The following KAZN variants were observed in gnomAD, a reference collection of about 807,000 sequenced individuals.
KAZN encodes the protein kazrin, periplakin interacting protein.
In KAZN, 40 loss-of-function variants were observed where a neutral mutation model predicts 87.4. The ratio of observed to expected loss-of-function variants is 0.46; its 90% CI spans 0.36 to 0.60. KAZN has a LOEUF of 0.60. KAZN is among the 20% of genes least tolerant of loss of function. The probability of loss-of-function intolerance (pLI) is 0.00; values close to 1 mark genes in which losing one functional copy is unlikely to be tolerated. For synonymous variants in KAZN, 466 were observed against 458.3 expected (o/e 1.02, Z -0.22); for missense variants, 898 against 1,073.9 (o/e 0.84, Z 2.29).
intron 2 of KAZN, among the ~76,000 whole-genome samples, chr1:14,509,630 G>T (rs546752665): frequency 2.0e-5 from 3 of 152,138 alleles, no homozygotes; most frequent in Non-Finnish European, 2.9e-5. Context: ...AAATGATTCC[G>T]TGAGCTTGCA....
At chr1:14,868,684 T>C (rs1651802480) in intron 1 of KAZN, among the ~76,000 whole-genome samples, 1 of 151,466 alleles carries the variant, frequency 6.6e-6, no homozygotes, top group African/African-American at 2.4e-5. Context: ...CTTCCAGAAA[T>C]GGGGCCAAGA....
At chr1:14,025,340 A>G (rs751616847) in intron 1 of KAZN, among the ~76,000 whole-genome samples, 7 of 152,176 alleles carry the variant, frequency 4.6e-5, no homozygotes, top group Admixed American at 1.3e-4. Flanking sequence ...AATTCTTTGT[A>G]TTTGTGTCTC....
At chr1:14,075,648 C>A (rs1643423140) in intron 1 of KAZN, among the ~76,000 whole-genome samples, 1 of 152,142 alleles carries the variant, frequency 6.6e-6, no homozygotes, top group Admixed American at 6.5e-5. Flanking sequence ...AACGCAGTTC[C>A]TTGAAAAATG....
At chr1:15,069,493 CCTCCTTT>C (rs1006147234) in intron 8 of KAZN, among the ~76,000 whole-genome samples, 8 of 152,196 alleles carry the variant, frequency 5.3e-5, no homozygotes, top group African/African-American at 1.9e-4. Context: ...AGCCACCGTA[CCTCCTTT>C]TTTAAAAGAA....
intron 1 of KAZN, among the ~76,000 whole-genome samples, chr1:14,693,179 C>T (rs926893271): frequency 1.3e-5 from 2 of 152,174 alleles, no homozygotes. Context: ...TTTTGGCTTT[C>T]GGACAACTTG....
intron 1 of KAZN, among the ~76,000 whole-genome samples, chr1:14,063,234 C>T (rs1478803764): frequency 6.6e-6 from 1 of 152,144 alleles, no homozygotes. Context: ...GTGTCCTAAT[C>T]CAGCAGTTGT....
intron 2 of KAZN, among the ~76,000 whole-genome samples, chr1:14,525,914 T>G (rs1365521547): frequency 1.3e-5 from 2 of 152,222 alleles, no homozygotes; most frequent in Non-Finnish European, 2.9e-5. Flanking sequence ...ACCTGGGATT[T>G]AAACCAAGGT....
At chr1:14,159,110 T>C (rs1051616278) in intron 1 of KAZN, among the ~76,000 whole-genome samples, 1 of 152,148 alleles carries the variant, frequency 6.6e-6, no homozygotes, top group East Asian at 1.9e-4. Flanking sequence ...ACTCTCTGCC[T>C]ATGGCTTATG....
At chr1:14,315,524 T>C (rs1655594334) in intron 2 of KAZN, among the ~76,000 whole-genome samples, 1 of 152,090 alleles carries the variant, frequency 6.6e-6, no homozygotes, top group Non-Finnish European at 1.5e-5. Context: ...TACCTTAAAA[T>C]ATTTCCTCAT....
chr1:14,596,608 C>A (rs777718462), upstream of KAZN, among the ~76,000 whole-genome samples: 6 of 152,232 alleles, frequency 3.9e-5, no homozygotes, highest in Non-Finnish European at 8.8e-5. Context: ...ACTTCTCATT[C>A]TTCCCTCCCC....
intron 2 of KAZN, among the ~76,000 whole-genome samples, chr1:14,434,751 G>A (rs1192435786): frequency 3.3e-5 from 5 of 152,008 alleles, no homozygotes. Context: ...TGGGACCCCA[G>A]CCCAGGACCC....
chr1:14,024,033 C>T (rs893086731), intron 1 of KAZN, among the ~76,000 whole-genome samples: 3 of 152,066 alleles, frequency 2.0e-5, no homozygotes, highest in African/African-American at 7.2e-5. Flanking sequence ...GCCAGAGCAC[C>T]CCACGGAGAA....
At chr1:14,425,010 A>T (rs1439241548) in intron 2 of KAZN, among the ~76,000 whole-genome samples, 1 of 152,226 alleles carries the variant, frequency 6.6e-6, no homozygotes, top group Non-Finnish European at 1.5e-5. Flanking sequence ...AACATAAGTC[A>T]CTTTAACAAA....
At chr1:14,751,629 C>G (rs1176230372) in intron 1 of KAZN, among the ~76,000 whole-genome samples, 4 of 152,190 alleles carry the variant, frequency 2.6e-5, no homozygotes, top group Non-Finnish European at 4.4e-5. Flanking sequence ...ATCAGGCATC[C>G]TGGCACTAAG....
At chr1:14,781,277 G>A (rs550212985) in intron 1 of KAZN, among the ~76,000 whole-genome samples, 1 of 152,312 alleles carries the variant, frequency 6.6e-6, no homozygotes, top group Non-Finnish European at 1.5e-5. Context: ...AGCCGAGATC[G>A]CGCCACTGCG....
intron 2 of KAZN, among the ~76,000 whole-genome samples, chr1:14,581,451 G>A (rs115125919): frequency 3.2e-4 from 48 of 152,142 alleles, no homozygotes; most frequent in African/African-American, 1.1e-3. Context: ...AACCACCGTG[G>A]TACCCTGCTA....
intron 2 of KAZN, among the ~76,000 whole-genome samples, chr1:14,537,229 G>T (rs1202504107): frequency 1.3e-5 from 2 of 152,086 alleles, no homozygotes; most frequent in African/African-American, 4.8e-5. Flanking sequence ...ACATCAGGGA[G>T]CCATACTCCT....
At chr1:14,213,369 G>T (rs1646895032) in intron 2 of KAZN, among the ~76,000 whole-genome samples, 1 of 152,168 alleles carries the variant, frequency 6.6e-6, no homozygotes, top group Non-Finnish European at 1.5e-5. Flanking sequence ...AAATATGATG[G>T]AATATGCCAC....
chr1:14,115,704 A>C (rs995193842), intron 1 of KAZN, among the ~76,000 whole-genome samples: 3 of 152,228 alleles, frequency 2.0e-5, no homozygotes, highest in African/African-American at 7.2e-5. Flanking sequence ...CGACTTTGGA[A>C]TTGAGTAACA....
Sources: allele counts gnomAD v4.1 joint callset (sites outside exome capture counted in the v4.1 genomes callset), GRCh38; gene constraint gnomAD v4.1.1; transcripts MANE v1.5; gene names NCBI Gene and HGNC (gene_info 2026-07-23, HGNC 2026-07-21).